Variants in SLC25A21 observed in about 807,000 individuals in gnomAD.
SLC25A21 encodes the protein mitochondrial 2-oxodicarboxylate carrier.
In SLC25A21, 47 loss-of-function variants were observed where a neutral mutation model predicts 43.8. The ratio of observed to expected loss-of-function variants is 1.07; its 90% CI spans 0.85 to 1.37. The LOEUF (loss-of-function observed/expected upper bound fraction) is 1.37, where lower values mean the gene tolerates loss of function less well. SLC25A21 is among the 40% of genes most tolerant of loss of function. The pLI is 0.00. For missense variants in SLC25A21, 352 were observed against 350.2 expected (o/e 1.00, Z -0.04); for synonymous variants, 131 against 121.3 (o/e 1.08, Z -0.52).
At chr14:36,845,196 T>C (rs1889503578) in intron 2 of SLC25A21, among the ~76,000 whole-genome samples, 1 of 152,200 alleles carries the variant, frequency 6.6e-6, no homozygotes, top group Non-Finnish European at 1.5e-5. Context: ...GCTAACAATT[T>C]AACTAAAACT....
At chr14:36,772,111 C>T (rs1182475735) in intron 3 of SLC25A21, among the ~76,000 whole-genome samples, 1 of 152,174 alleles carries the variant, frequency 6.6e-6, no homozygotes, top group African/African-American at 2.4e-5. Context: ...GGCCACAGAG[C>T]ACTGCTTACA....
chr14:36,868,819 T>G (rs1890285859), intron 2 of SLC25A21, among the ~76,000 whole-genome samples: 1 of 152,182 alleles, frequency 6.6e-6, no homozygotes, highest in African/African-American at 2.4e-5. Flanking sequence ...CTTCCCTGGG[T>G]TCAGCAAATA....
chr14:37,084,170 C>T (rs986430886), intron 1 of SLC25A21, among the ~76,000 whole-genome samples: 3 of 152,160 alleles, frequency 2.0e-5, no homozygotes, highest in African/African-American at 4.8e-5. Flanking sequence ...TCCCTCCCCC[C>T]ACCTTATGTC....
chr14:36,737,247 A>C (rs1885078679), intron 3 of SLC25A21, among the ~76,000 whole-genome samples: 1 of 152,202 alleles, frequency 6.6e-6, no homozygotes, highest in South Asian at 2.1e-4. Flanking sequence ...AAGTACACAG[A>C]AGGTCTTCAT....
chr14:37,105,238 A>G (rs1158075664), intron 1 of SLC25A21, among the ~76,000 whole-genome samples: 1 of 152,224 alleles, frequency 6.6e-6, no homozygotes, highest in African/African-American at 2.4e-5. Context: ...ATGCTGGACA[A>G]ATAATTAAAT....
At chr14:37,122,970 A>G (rs1042287820) in intron 1 of SLC25A21, among the ~76,000 whole-genome samples, 1 of 152,228 alleles carries the variant, frequency 6.6e-6, no homozygotes, top group East Asian at 1.9e-4. Context: ...CTAAAATCCA[A>G]TATCAAATAG....
At chr14:37,002,638 G>A (rs2138726774) in intron 1 of SLC25A21, among the ~76,000 whole-genome samples, 1 of 152,190 alleles carries the variant, frequency 6.6e-6, no homozygotes, top group Admixed American at 6.6e-5. Context: ...ATAAAAAGAT[G>A]ATTAAAAAAC....
At chr14:36,804,573 G>C (rs985471240) in intron 3 of SLC25A21, among the ~76,000 whole-genome samples, 1 of 152,150 alleles carries the variant, frequency 6.6e-6, no homozygotes. Context: ...GACCAGAATG[G>C]TAACAGTGGT....
rs541830759 is a variant in SLC25A21 at position 36,929,117 on chromosome 14, T to C, written c.71-54113A>G. Among the ~76,000 whole-genome samples the C allele has an allele frequency of 4.6e-4, 70 of 152,266 alleles. 1 individual carries two copies. The highest frequency in any genetic ancestry group is 1.7e-3 in the African/African-American group (69 of 41,566). The stretch of plus-strand genomic sequence containing the variant: ...AAAGAACTAGTAATTTCATAACTAA[T>C]ACCATGTAAGACCTCCATAAAAATA... On this transcript the variant is annotated intron_variant, in intron 1 of 9. Coordinates refer to ENST00000331299, the MANE Select transcript of SLC25A21 (RefSeq NM_030631.4).
rs1889194931 is a variant in SLC25A21, at chr14:36,835,980, C to A, written c.120-21979G>T. 2.0e-5 allele frequency among the ~76,000 whole-genome samples: 3 copies of A among 152,192 alleles called. No individual in the cohort carries two copies. The South Asian group carries it at 6.2e-4, about 31-fold the overall frequency. ...CCTTTGGCTCCCCTCCAGAGTTGGA[C>A]CAAATATCTTTCGCTGAGTGAACAG... On this transcript the variant is annotated intron_variant, in intron 2 of 9. Transcript: ENST00000331299.
intron 2 of SLC25A21, among the ~76,000 whole-genome samples, chr14:36,849,792 T>G (rs2138512990): frequency 6.6e-6 from 1 of 152,326 alleles, no homozygotes; most frequent in African/African-American, 2.4e-5. Context: ...AATGAATTCA[T>G]TAGAACCTCT....
At chr14:36,811,578 G>T (rs1322470959) in intron 3 of SLC25A21, among the ~76,000 whole-genome samples, 1 of 152,146 alleles carries the variant, frequency 6.6e-6, no homozygotes, top group African/African-American at 2.4e-5. Context: ...CTTGAATCCA[G>T]GAGGCAGAGG....
At chr14:36,718,697 T>C (rs1455399226) in intron 6 of SLC25A21, among the ~76,000 whole-genome samples, 1 of 152,198 alleles carries the variant, frequency 6.6e-6, no homozygotes, top group Non-Finnish European at 1.5e-5. Context: ...CAGGATAAAG[T>C]GTGTAGAGCT....
At chr14:36,755,694 T>G (rs1178700114) in intron 3 of SLC25A21, among the ~76,000 whole-genome samples, 1 of 152,182 alleles carries the variant, frequency 6.6e-6, no homozygotes, top group Admixed American at 6.5e-5. Flanking sequence ...TATGAACACA[T>G]AGATCGTTTT....
intron 2 of SLC25A21, among the ~76,000 whole-genome samples, chr14:36,873,288 T>TTTTA (rs1263640639): frequency 2.0e-5 from 3 of 152,072 alleles, no homozygotes; most frequent in East Asian, 1.9e-4. Flanking sequence ...TTCTTTTTTC[T>TTTTA]TTTATTGATT....
chr14:36,994,384 C>T (rs1165404128), intron 1 of SLC25A21, among the ~76,000 whole-genome samples: 3 of 152,172 alleles, frequency 2.0e-5, no homozygotes, highest in Non-Finnish European at 2.9e-5. Context: ...GGTAATCAGA[C>T]ATTTCCTTTT....
chr14:36,973,711 C>T (rs986822965), intron 1 of SLC25A21, among the ~76,000 whole-genome samples: 27 of 152,168 alleles, frequency 1.8e-4, no homozygotes, highest in African/African-American at 5.3e-4. Flanking sequence ...AATTCTCATA[C>T]GTGGTTAAGT....
intron 3 of SLC25A21, among the ~76,000 whole-genome samples, chr14:36,753,919 C>CAGAGCGAGAG (rs1885812674): frequency 7.7e-6 from 1 of 129,990 alleles, no homozygotes; most frequent in Non-Finnish European, 1.7e-5. Context: ...TCACTGGGGA[C>CAGAGCGAGAG]AGAGAGAGAG....
chr14:36,782,960 T>A (rs968422523), intron 3 of SLC25A21, among the ~76,000 whole-genome samples: 3 of 88,442 alleles, frequency 3.4e-5, no homozygotes, highest in African/African-American at 7.4e-5. Flanking sequence ...AATAAAAAAA[T>A]ATAAATAAAT....
Sources: gnomAD v4.1 joint callset for allele counts (sites outside exome capture counted in the v4.1 genomes callset) on GRCh38, gnomAD v4.1.1 for gene constraint, MANE v1.5 for transcripts, NCBI Gene and HGNC (gene_info 2026-07-23, HGNC 2026-07-21) for gene names.